Variants in CEP95 observed in about 807,000 individuals in gnomAD.
CEP95 encodes centrosomal protein of 95 kDa.
A neutral mutation model predicts 111.2 loss-of-function variants in CEP95; 98 were observed. That is an observed-to-expected ratio of 0.88 (90% CI 0.75 to 1.04). The LOEUF is 1.04. Among genes scored for constraint, CEP95 ranks in the 50% least tolerant of loss-of-function variants. CEP95 has a pLI of 0.00. For synonymous variants in CEP95, 323 were observed against 327.1 expected (o/e 0.99, Z 0.14); for missense variants, 1,027 against 977.2 (o/e 1.05, Z -0.68).
chr17:64,514,416 C>CTT, intron 4 of CEP95, 58 bp downstream of exon 4: 1 of 758,666 alleles, frequency 1.3e-6, no homozygotes, highest in Non-Finnish European at 2.3e-6. Flanking sequence ...TCCCTTTTGC[C>CTT]TTTTATCTTT....
intron 19 of CEP95, 167 bp from the exon 20 acceptor site, chr17:64,537,436 T>C: frequency 1.4e-6 from 2 of 1,380,620 alleles, no homozygotes; most frequent in Non-Finnish European, 9.4e-7. Context: ...ACCCAAGACA[T>C]TTTTATCCTA....
rs1967883573 is a variant in CEP95, at chr17:64,527,169, A to G, written c.1211A>G (p.Asn404Ser). The G allele has an allele frequency of 6.2e-7, 1 of 1,613,648 alleles. No individual in the cohort carries two copies. Among genetic ancestry groups the G allele is most frequent in the East Asian group, 2.2e-5 (1 of 44,874 alleles). ...IKEKTDHKEE[N>S]TGNEEVEDGT... ...GAAAAGACTGACCATAAAGAAGAAAATACTGGAAATGAGGAGGTAGAGGAT... is the reference window on the plus strand; with the variant it reads ...GAAAAGACTGACCATAAAGAAGAAAGTACTGGAAATGAGGAGGTAGAGGAT... The change falls in exon 11 of 20, where the codon AAT (asparagine) becomes AGT (serine). Residue 404 changes from asparagine to serine, a missense_variant. By Grantham distance (46) the Asn-to-Ser change is conservative (BLOSUM62 1). Coordinates refer to ENST00000556440, the MANE Select transcript of CEP95 (RefSeq NM_138363.3).
intron 15 of CEP95, 28 bp downstream of exon 15, chr17:64,533,036 G>A (rs782663268): frequency 1.9e-6 from 3 of 1,605,550 alleles, no homozygotes; most frequent in Non-Finnish European, 2.5e-6. Context: ...TTAAGCATAG[G>A]AATTTAAATG....
intron 5 of CEP95, among the ~76,000 whole-genome samples, chr17:64,518,684 ATT>A (rs1167825499): frequency 6.8e-6 from 1 of 146,904 alleles, no homozygotes; most frequent in Admixed American, 6.8e-5. Flanking sequence ...ATAAGATGAA[ATT>A]TTTTTTTTTT....
At chr17:64,537,216 C>A in intron 19 of CEP95, 104 bp downstream of exon 19, 1 of 1,520,910 alleles carries the variant, frequency 6.6e-7, no homozygotes, top group Admixed American at 2.2e-5. Flanking sequence ...TATCATATAG[C>A]CCCGGTGTGC....
rs182722130 is a variant in CEP95 at position 64,514,240 on chromosome 17, G to C, written c.257-8G>C. The C allele has an allele frequency of 1.4e-5, 16 of 1,112,644 alleles. No homozygotes were observed. The East Asian group carries it at 3.6e-4, about 25-fold the overall frequency. 68.9% of individuals were successfully genotyped at this position (1,112,644 alleles called of 1,614,324 possible). On this transcript the variant is annotated splice_region_variant and splice_polypyrimidine_tract_variant and intron_variant, in intron 3 of 19. Transcript: ENST00000556440. Reference sequence around the variant, plus strand: ...AAATTTTTTAATAGCTCTATATTCTGTCTCCAGGAGAAAATATAGTGAAAG... The same window carrying C: ...AAATTTTTTAATAGCTCTATATTCTCTCTCCAGGAGAAAATATAGTGAAAG...
intron 13 of CEP95, among the ~76,000 whole-genome samples, 176 bp from the exon 14 acceptor site, chr17:64,531,714 A>G (rs1318086416): frequency 1.3e-5 from 2 of 152,226 alleles, no homozygotes; most frequent in African/African-American, 2.4e-5. Context: ...TTTAACTTAG[A>G]GTAAATGAAT....
rs1258370570 is a variant in CEP95 at position 64,537,702 on chromosome 17, CG to C, written c.2392del (p.Glu798AsnfsTer33). 6.2e-7 allele frequency: 1 copy of C among 1,612,798 alleles called. No homozygotes were observed. Among genetic ancestry groups the C allele is most frequent in the African/African-American group, 1.3e-5 (1 of 74,878 alleles). On this transcript the variant is annotated frameshift_variant, in exon 20 of 20. Coordinates refer to ENST00000556440, the MANE Select transcript of CEP95 (RefSeq NM_138363.3). LOFTEE classifies it high-confidence loss of function. ...ACAGAATGATGATGATGTTTTCTTC[CG>C]GGAACTGGAAGCTGAGCGCTTCAGA... The part of the protein sequence containing the change: ...ITQNDDDVFF[R>X]ELEAERFRSR...
rs2038644701 is a variant in CEP95 at position 64,507,797 on chromosome 17, T to C, written c.19+681T>C. 5 of 985,420 alleles carry C rather than the reference T, an allele frequency of 5.1e-6. 1 individual carries two copies. Among genetic ancestry groups the C allele is most frequent in the South Asian group, 9.4e-5 (2 of 21,300 alleles). The allele number at this position is 985,420 out of a possible 1,614,324, so 61.0% of individuals were successfully genotyped here. ...AGAACGTTACGTGTCCAGAACATAG[T>C]GGAGATGTTTGTTTCTAATACCGAT... On this transcript the variant is annotated intron_variant, in intron 1 of 19. Transcript: ENST00000556440.
At chr17:64,514,701 T>C (rs1382200965) in intron 4 of CEP95, 13 of 348,252 alleles carry the variant, frequency 3.7e-5, no homozygotes, top group African/African-American at 2.7e-4. Flanking sequence ...TGGTAAATAT[T>C]TGGATGTTAC....
intron 8 of CEP95, 59 bp from the exon 9 acceptor site, chr17:64,525,711 A>T: frequency 8.8e-7 from 1 of 1,136,398 alleles, no homozygotes; most frequent in Admixed American, 2.2e-5. Flanking sequence ...TCACTCCCAG[A>T]AAGTTCATGT....
chr17:64,537,472 G>T, intron 19 of CEP95, 131 bp from the exon 20 acceptor site: 1 of 1,411,858 alleles, frequency 7.1e-7, no homozygotes, highest in Non-Finnish European at 9.2e-7. Flanking sequence ...TTAGGTCTCT[G>T]TAAGAGCTGC....
At chr17:64,508,100 A>G in intron 1 of CEP95, 8 of 985,466 alleles carry the variant, frequency 8.1e-6, no homozygotes, top group Non-Finnish European at 9.6e-6. Context: ...CCTAAGTTTA[A>G]TCACCACTTT....
At chr17:64,535,204 T>TGTAAA (rs1171406146) in intron 17 of CEP95, 34 of 173,988 alleles carry the variant, frequency 2.0e-4, no homozygotes, top group African/African-American at 7.7e-4. Context: ...AAATTTCATC[T>TGTAAA]GTAAAATATT....
intron 11 of CEP95, 131 bp from the exon 12 acceptor site, chr17:64,529,157 A>G: frequency 1.4e-6 from 1 of 703,002 alleles, no homozygotes; most frequent in Non-Finnish European, 2.3e-6. Context: ...AATTCAAGTT[A>G]GTTACAGGAG....
intron 8 of CEP95, among the ~76,000 whole-genome samples, 185 bp from the exon 9 acceptor site, chr17:64,525,585 T>C (rs1967746582): frequency 6.6e-6 from 1 of 152,212 alleles, no homozygotes; most frequent in Non-Finnish European, 1.5e-5. Flanking sequence ...AGCACAAGTT[T>C]CTAGACATTG....
intron 8 of CEP95, among the ~76,000 whole-genome samples, chr17:64,523,674 G>A (rs1967557967): frequency 6.6e-6 from 1 of 152,172 alleles, no homozygotes; most frequent in Non-Finnish European, 1.5e-5. Context: ...AGCACTTTGG[G>A]AGGCTCATGT....
chr17:64,526,565 G>A (rs1555679177), intron 10 of CEP95, among the ~76,000 whole-genome samples: 3 of 152,160 alleles, frequency 2.0e-5, no homozygotes, highest in Admixed American at 6.5e-5. Flanking sequence ...CAATATTACA[G>A]TTTTAAGGTA....
At chr17:64,530,158 G>GTCT (rs1555679970) in intron 12 of CEP95, among the ~76,000 whole-genome samples, 4 of 152,154 alleles carry the variant, frequency 2.6e-5, no homozygotes, top group African/African-American at 9.7e-5. Flanking sequence ...GGGTGAGACA[G>GTCT]GTGGATCACC....
Sources: allele counts gnomAD v4.1 joint callset (sites outside exome capture counted in the v4.1 genomes callset), GRCh38; gene constraint gnomAD v4.1.1; transcripts MANE v1.5; gene names NCBI Gene and HGNC (gene_info 2026-07-23, HGNC 2026-07-21).